PDE1C: variants seen among roughly 807,000 people sequenced by gnomAD.
The protein encoded by PDE1C is dual specificity calcium/calmodulin-dependent 3',5'-cyclic nucleotide phosphodiesterase 1C.
In PDE1C, 62 loss-of-function variants were observed where a neutral mutation model predicts 93.1. The observed-to-expected ratio is 0.67, with a 90% CI of 0.54 to 0.82. The LOEUF is 0.82. Ranked by LOEUF, PDE1C falls within the 40% of genes least tolerant of loss-of-function variation. PDE1C has a pLI of 0.00. For synonymous variants in PDE1C, 325 were observed against 310.1 expected (o/e 1.05, Z -0.50); for missense variants, 742 against 884.6 (o/e 0.84, Z 2.04).
At chr7:31,829,423 A>G (rs2128749456) in intron 11 of PDE1C, among the ~76,000 whole-genome samples, 1 of 152,280 alleles carries the variant, frequency 6.6e-6, no homozygotes, top group Non-Finnish European at 1.5e-5. Context: ...TTCACCTAAT[A>G]CACTCCGATT....
intron 1 of PDE1C, among the ~76,000 whole-genome samples, chr7:32,305,962 G>A (rs1183630812): frequency 6.6e-6 from 1 of 152,164 alleles, no homozygotes; most frequent in Non-Finnish European, 1.5e-5. Context: ...TGATTCCCAC[G>A]TGTTGTGGAA....
intron 1 of PDE1C, among the ~76,000 whole-genome samples, chr7:32,360,594 G>A (rs960210622): frequency 1.4e-4 from 21 of 152,170 alleles, no homozygotes; most frequent in African/African-American, 5.1e-4. Flanking sequence ...TGTAACAGGT[G>A]GGATGGCACA....
chr7:31,692,782 T>A, the PDE1C span, among the ~76,000 whole-genome samples: 9 of 152,168 alleles, frequency 5.9e-5, no homozygotes, highest in Non-Finnish European at 1.3e-4. Context: ...CATCGTCCTC[T>A]TTTTCTGGGT....
intron 2 of PDE1C, among the ~76,000 whole-genome samples, chr7:32,020,430 T>C (rs1429843936): frequency 6.6e-6 from 1 of 152,066 alleles, no homozygotes; most frequent in Non-Finnish European, 1.5e-5. Context: ...ATTAATTTTA[T>C]AAATTCTAAA....
chr7:31,831,720 C>T (rs1018463741), intron 11 of PDE1C, among the ~76,000 whole-genome samples: 4 of 148,722 alleles, frequency 2.7e-5, no homozygotes, highest in African/African-American at 5.0e-5. Flanking sequence ...AAGGGGCAGA[C>T]GGAAGAGTAG....
At chr7:32,070,473 A>G, upstream of PDE1C, 1 of 1,573,740 alleles carries the variant, frequency 6.4e-7, no homozygotes, top group Non-Finnish European at 8.6e-7. Flanking sequence ...CCAGCTCGCG[A>G]TGCCCAGCCA....
At chr7:31,709,224 G>A in the PDE1C span, among the ~76,000 whole-genome samples, 1 of 152,176 alleles carries the variant, frequency 6.6e-6, no homozygotes, top group Non-Finnish European at 1.5e-5. Flanking sequence ...GGTTAAGGAA[G>A]AAAGTAGACC....
At chr7:31,705,765 GGAGGCAGTGC>G in the PDE1C span, among the ~76,000 whole-genome samples, 1 of 152,046 alleles carries the variant, frequency 6.6e-6, no homozygotes, top group African/African-American at 2.4e-5. Flanking sequence ...TGAGAAGGAA[GGAGGCAGTGC>G]GAGGCAGTGG....
the PDE1C span, among the ~76,000 whole-genome samples, chr7:31,727,887 C>CA: frequency 2.6e-5 from 4 of 151,830 alleles, no homozygotes; most frequent in Admixed American, 6.6e-5. Flanking sequence ...ACTAAAAATA[C>CA]AAAAAAATTA....
intron 8 of PDE1C, 34 bp from the exon 9 acceptor site, chr7:31,848,130 A>G (rs1792861585): frequency 6.2e-7 from 1 of 1,606,868 alleles, no homozygotes; most frequent in South Asian, 1.1e-5. Flanking sequence ...TCAGAATGTT[A>G]AACAGTTGTG....
At chr7:31,677,686 T>C in the PDE1C span, among the ~76,000 whole-genome samples, 3 of 152,188 alleles carry the variant, frequency 2.0e-5, no homozygotes, top group African/African-American at 4.8e-5. Flanking sequence ...GTACCTTATG[T>C]ATTAGAAAAC....
At chr7:32,091,341 T>A (rs1797458888) in intron 3 of PDE1C, among the ~76,000 whole-genome samples, 1 of 152,160 alleles carries the variant, frequency 6.6e-6, no homozygotes, top group African/African-American at 2.4e-5. Flanking sequence ...ATGAACATAA[T>A]AGGTAACCAA....
At chr7:32,207,233 C>T (rs778619546) in intron 2 of PDE1C, among the ~76,000 whole-genome samples, 1 of 152,054 alleles carries the variant, frequency 6.6e-6, no homozygotes, top group South Asian at 2.1e-4. Context: ...AGCACAGGCT[C>T]TGGCCACCCG....
chr7:31,806,649 C>T (rs1786868523), intron 16 of PDE1C, among the ~76,000 whole-genome samples: 2 of 151,954 alleles, frequency 1.3e-5, no homozygotes, highest in African/African-American at 4.8e-5. Context: ...TGTGCATGCC[C>T]TGGCTCATGG....
In PDE1C at chr7:31,967,943, T is replaced by C. The variant is rs144590104; in HGVS notation, c.128+83611A>G. On this transcript the variant is annotated intron_variant, in intron 2 of 17. Coordinates refer to ENST00000396191, the MANE Select transcript of PDE1C (RefSeq NM_001191057.4). ...CTAAAAACTCTCCATAAATTAGGTA[T>C]TGATGGCACGTATCTCAAAATAATA... Among the ~76,000 whole-genome samples the C allele has an allele frequency of 5.8e-4, 89 of 152,338 alleles. 2 individuals are homozygous for C. The East Asian group carries it at 0.017, about 29-fold the overall frequency.
chr7:31,692,214 G>C, the PDE1C span, among the ~76,000 whole-genome samples: 1 of 152,144 alleles, frequency 6.6e-6, no homozygotes, highest in African/African-American at 2.4e-5. Context: ...GAGGGTGGGA[G>C]GGTTCATTTT....
the PDE1C span, among the ~76,000 whole-genome samples, chr7:31,736,454 G>C: frequency 2.0e-5 from 3 of 152,196 alleles, no homozygotes; most frequent in Non-Finnish European, 4.4e-5. Context: ...CTGGAGACTG[G>C]AAGGGCTCAA....
the PDE1C span, among the ~76,000 whole-genome samples, chr7:31,640,618 T>C: frequency 6.6e-6 from 1 of 151,912 alleles, no homozygotes; most frequent in African/African-American, 2.4e-5. Context: ...TCTGTAACTG[T>C]CTGAGGTCCA....
intron 3 of PDE1C, among the ~76,000 whole-genome samples, chr7:32,167,043 G>A (rs1802328477): frequency 1.3e-5 from 2 of 152,072 alleles, no homozygotes; most frequent in Admixed American, 1.3e-4. Context: ...AATAAGAACG[G>A]CTATTGCTGA....
Sources: gnomAD v4.1 joint callset for allele counts (sites outside exome capture counted in the v4.1 genomes callset) on GRCh38, gnomAD v4.1.1 for gene constraint, MANE v1.5 for transcripts, NCBI Gene and HGNC (gene_info 2026-07-23, HGNC 2026-07-21) for gene names.